Variants in MYOC observed in about 807,000 individuals in gnomAD.
MYOC encodes the protein myocilin.
Under a neutral mutation model 28.2 loss-of-function variants are expected in MYOC, and 29 were observed. That is an observed-to-expected ratio of 1.03 (90% CI 0.77 to 1.40). The LOEUF (loss-of-function observed/expected upper bound fraction) is 1.40, where lower values mean the gene tolerates loss of function less well. Ranked by LOEUF, MYOC falls within the 40% of genes most tolerant of loss-of-function variation. The pLI is 0.00. For missense variants in MYOC, 569 were observed against 620.6 expected (o/e 0.92, Z 0.88); for synonymous variants, 240 against 245.6 (o/e 0.98, Z 0.21).
intron 1 of MYOC, among the ~76,000 whole-genome samples, chr1:171,644,020 G>C (rs898250369): frequency 6.7e-6 from 1 of 149,192 alleles, no homozygotes; most frequent in African/African-American, 2.5e-5. Flanking sequence ...AATGTGAGGA[G>C]AGAGAAATAC....
At chr1:171,645,098 T>C (rs564766652) in intron 1 of MYOC, among the ~76,000 whole-genome samples, 1 of 152,232 alleles carries the variant, frequency 6.6e-6, no homozygotes, top group East Asian at 1.9e-4. Flanking sequence ...ACTATCTCAG[T>C]AGAGGGCGCT....
At chr1:171,651,939 C>T (rs1653362043) in intron 1 of MYOC, 69 bp downstream of exon 1, 10 of 1,608,276 alleles carry the variant, frequency 6.2e-6, no homozygotes, top group African/African-American at 2.7e-5. Context: ...AGGCCTGGAG[C>T]GCCTGTAGCA....
At chr1:171,650,141 G>A (rs576546997) in intron 1 of MYOC, among the ~76,000 whole-genome samples, 58 of 151,764 alleles carry the variant, frequency 3.8e-4, no homozygotes, top group African/African-American at 1.4e-3. Flanking sequence ...AATCCCCAAA[G>A]ACTTGTTAAA....
Position 171,636,702 on chromosome 1 carries a change from T to C in MYOC, c.738A>G (p.Gly246=). 6.2e-7 allele frequency: 1 copy of C among 1,601,610 alleles called. No individual in the cohort carries two copies. Among genetic ancestry groups the C allele is most frequent in the East Asian group, 2.2e-5 (1 of 44,876 alleles). The change falls in exon 3 of 3, where the codon GGA becomes GGG. Residue 246 remains glycine, a synonymous_variant. Transcript: ENST00000037502. ...GAGGCTCTCCTACCCAAACTAGTTC[T>C]CCACATCCTGGTAAATTCAGAAAAG... ...LRSGEGDTGC[G]ELVWVGEPLT... is the part of the protein sequence containing the mutation.
intron 1 of MYOC, among the ~76,000 whole-genome samples, chr1:171,644,369 T>C (rs1044153231): frequency 6.6e-6 from 1 of 152,080 alleles, no homozygotes; most frequent in Non-Finnish European, 1.5e-5. Context: ...GCTGGTTATT[T>C]AATTTAACAA....
At chr1:171,650,184 G>A (rs1404232494) in intron 1 of MYOC, among the ~76,000 whole-genome samples, 1 of 151,844 alleles carries the variant, frequency 6.6e-6, no homozygotes, top group African/African-American at 2.4e-5. Flanking sequence ...GCAAAACATT[G>A]CCACTATTTT....
intron 1 of MYOC, among the ~76,000 whole-genome samples, chr1:171,649,162 G>GATT (rs1334372400): frequency 1.3e-5 from 2 of 152,036 alleles, no homozygotes; most frequent in African/African-American, 4.8e-5. Flanking sequence ...TGATTTCTAT[G>GATT]ATTATAAGGA....
intron 1 of MYOC, among the ~76,000 whole-genome samples, chr1:171,642,888 T>A (rs235872): frequency 0.67 from 90,998 of 136,290 alleles, 29,315 homozygotes; most frequent in Middle Eastern, 0.74. Context: ...AGTCTATGTT[T>A]AAAAAAAAAA....
intron 1 of MYOC, among the ~76,000 whole-genome samples, chr1:171,650,066 T>C (rs1440460575): frequency 6.6e-6 from 1 of 152,156 alleles, no homozygotes. Context: ...ATGTTGCCCT[T>C]ATTTCAAAAG....
intron 2 of MYOC, 50 bp from the exon 3 acceptor site, chr1:171,636,759 C>T (rs1652933824): frequency 6.3e-7 from 1 of 1,576,102 alleles, no homozygotes; most frequent in South Asian, 1.1e-5. Context: ...CATAATCTTT[C>T]CAAACACAGA....
At position 171,636,309 on chromosome 1, in the gene MYOC, C is replaced by T. The variant is rs140112372; in HGVS notation, c.1131G>A (p.Thr377=). 42 of 1,613,990 alleles carry T rather than the reference C, an allele frequency of 2.6e-5. No homozygotes were observed. The African/African-American group carries it at 2.9e-4, about 11-fold the overall frequency. The part of the protein sequence containing the change: ...GQFPYSWGGY[T]DIDLAVDEAG... ...CTTCATCCACAGCCAAGTCAATGTC[C>T]GTGTAGCCACCCCAAGAATACGGGA... Residue 377 remains threonine, a synonymous_variant, in exon 3 of 3, where the codon ACG becomes ACA. Coordinates refer to ENST00000037502, the MANE Select transcript of MYOC (RefSeq NM_000261.2).
intron 1 of MYOC, 29 bp from the exon 2 acceptor site, chr1:171,638,751 A>G (rs1410434278): frequency 6.2e-7 from 1 of 1,612,612 alleles, no homozygotes; most frequent in East Asian, 2.2e-5. Flanking sequence ...ACAAAATTTT[A>G]CTGTAAGAAA....
At chr1:171,649,033 A>G (rs1455832527) in intron 1 of MYOC, among the ~76,000 whole-genome samples, 1 of 151,568 alleles carries the variant, frequency 6.6e-6, no homozygotes, top group East Asian at 1.9e-4. Flanking sequence ...ATATACATAA[A>G]ATTTATATAT....
Position 171,636,169 on chromosome 1 carries a change from T to G in MYOC, c.1271A>C (p.Gln424Pro), listed in dbSNP as rs888606739. 2 of 1,614,182 alleles carry G rather than the reference T, an allele frequency of 1.2e-6. No homozygotes were observed. The highest frequency in any genetic ancestry group is 1.7e-6 in the Non-Finnish European group (2 of 1,180,034). Residue 424 changes from glutamine (Q) to proline (P), a missense_variant, in exon 3 of 3, where the codon CAG becomes CCG. Transcript: ENST00000037502. ...EQTWETNIRKQSVANAFIICG... is the reference protein window; with the variant it reads ...EQTWETNIRKPSVANAFIICG... ...GATGATGAAGGCATTGGCGACTGACTGCTTACGGATGTTTGTCTCCCAGGT... is the reference window on the plus strand; with the variant it reads ...GATGATGAAGGCATTGGCGACTGACGGCTTACGGATGTTTGTCTCCCAGGT...
chr1:171,648,621 ATATG>A, intron 1 of MYOC, among the ~76,000 whole-genome samples: 1 of 125,840 alleles, frequency 7.9e-6, no homozygotes, highest in South Asian at 2.5e-4. Context: ...AGTAAATTAT[ATATG>A]TATTTTATTA....
intron 1 of MYOC, among the ~76,000 whole-genome samples, chr1:171,649,193 T>A (rs1653293379): frequency 6.6e-6 from 1 of 152,180 alleles, no homozygotes; most frequent in Non-Finnish European, 1.5e-5. Flanking sequence ...ACATAACAAC[T>A]ATTAATACAT....
Position 171,638,584 on chromosome 1 carries a change from C to T in MYOC, c.730+13G>A, listed in dbSNP as rs1652989000. ...CCACGTGGGCACAAAAGGGAAGAAA[C>T]TTAACTTCATACCGGTGTCTCCCTC... is the stretch of plus-strand genomic sequence containing the variant. On this transcript the variant is annotated intron_variant, in intron 2 of 2. Transcript: ENST00000037502. 18 of 1,614,006 alleles carry T rather than the reference C, an allele frequency of 1.1e-5. No homozygotes were observed. Among genetic ancestry groups the T allele is most frequent in the Non-Finnish European group, 1.4e-5 (17 of 1,179,880 alleles).
intron 1 of MYOC, among the ~76,000 whole-genome samples, chr1:171,646,963 CTG>C (rs1296590969): frequency 6.6e-6 from 1 of 152,184 alleles, no homozygotes; most frequent in African/African-American, 2.4e-5. Flanking sequence ...ACTCGTTTGC[CTG>C]TAGACATAGG....
At chr1:171,637,393 G>T (rs1012621114) in intron 2 of MYOC, among the ~76,000 whole-genome samples, 2 of 152,034 alleles carry the variant, frequency 1.3e-5, no homozygotes, top group Non-Finnish European at 2.9e-5. Flanking sequence ...TTGAGACAGG[G>T]TCTTGCACTG....
Sources: gnomAD v4.1 joint callset for allele counts (sites outside exome capture counted in the v4.1 genomes callset) on GRCh38, gnomAD v4.1.1 for gene constraint, MANE v1.5 for transcripts, NCBI Gene and HGNC (gene_info 2026-07-23, HGNC 2026-07-21) for gene names.